AGPAT4: variants seen among roughly 807,000 people sequenced by gnomAD.
The protein encoded by AGPAT4 is 1-acyl-sn-glycerol-3-phosphate acyltransferase delta.
In AGPAT4, 15 loss-of-function variants were observed where a neutral mutation model predicts 48.0. The ratio of observed to expected loss-of-function variants is 0.31; its 90% CI spans 0.21 to 0.48. The LOEUF (loss-of-function observed/expected upper bound fraction) is 0.48, where lower values mean the gene tolerates loss of function less well. Ranked by LOEUF, AGPAT4 falls within the 20% of genes least tolerant of loss-of-function variation. AGPAT4 has a pLI of 0.99. For synonymous variants in AGPAT4, 178 were observed against 198.7 expected (o/e 0.90, Z 0.88); for missense variants, 314 against 482.5 (o/e 0.65, Z 3.27).
At chr6:161,210,035 T>C (rs9355336) in intron 2 of AGPAT4, among the ~76,000 whole-genome samples, 1 of 152,074 alleles carries the variant, frequency 6.6e-6, no homozygotes. Context: ...TTAAAAAAAA[T>C]TTTTTTAAGT....
chr6:161,156,103 G>C (rs1048846345), intron 3 of AGPAT4, among the ~76,000 whole-genome samples: 1 of 152,222 alleles, frequency 6.6e-6, no homozygotes, highest in African/African-American at 2.4e-5. Flanking sequence ...ATCTAGACCC[G>C]TAGATGGTCA....
At chr6:161,227,085 A>G (rs956651564) in intron 2 of AGPAT4, among the ~76,000 whole-genome samples, 6 of 152,228 alleles carry the variant, frequency 3.9e-5, no homozygotes, top group African/African-American at 1.4e-4. Flanking sequence ...ACACACCTGG[A>G]GACAGTTTCC....
At position 161,154,235 on chromosome 6, in the gene AGPAT4, C is replaced by G. The variant is rs1243264225; in HGVS notation, c.424G>C (p.Val142Leu). The G allele has an allele frequency of 5.0e-6, 8 of 1,614,176 alleles. No individual in the cohort carries two copies. Among genetic ancestry groups the G allele is most frequent in the Non-Finnish European group, 5.9e-6 (7 of 1,180,030 alleles). Residue 142 changes from valine to leucine, a missense_variant, in exon 4 of 9, where the codon GTC becomes CTC. Physicochemically the swap from Val to Leu is conservative, Grantham distance 32. Transcript: ENST00000320285. The surrounding 1 kb of genome is among the most constrained non-coding windows in gnomAD (Gnocchi z 7.8). ...IGWMWYFTEM[V>L]FCSRKWEQDR... ...TGCTCCCACTTGCGCGAACAGAAGA[C>G]CATCTCGGTGAAGTACCACATCCAG...
At position 161,139,952 on chromosome 6, in the gene AGPAT4, GC is replaced by G. The variant is rs1779198435; in HGVS notation, c.844-333del. On this transcript the variant is annotated intron_variant, in intron 7 of 8. Coordinates refer to ENST00000320285, the MANE Select transcript of AGPAT4 (RefSeq NM_020133.3). The surrounding 1 kb of genome is among the most constrained non-coding windows in gnomAD (Gnocchi z 9.1). ...CAGGCACCTGCATCCCTGAGCCCAGGCCCCAGTCTGTCTAATGGGGCAGCAG... is the reference window on the plus strand; with the variant it reads ...CAGGCACCTGCATCCCTGAGCCCAGGCCCAGTCTGTCTAATGGGGCAGCAG... Among the ~76,000 whole-genome samples the G allele has an allele frequency of 6.6e-6, 1 of 152,232 alleles. No homozygotes were observed. Among genetic ancestry groups the G allele is most frequent in the Non-Finnish European group, 1.5e-5 (1 of 68,030 alleles).
At position 161,208,962 on chromosome 6, in the gene AGPAT4, G is replaced by T. The variant is rs1163216536; in HGVS notation, c.178+23074C>A. The stretch of plus-strand genomic sequence containing the variant: ...CACACCAGAAAGAGTCCCTAAAACG[G>T]CAATCATGACCTTGTGTTAATTACT... On this transcript the variant is annotated intron_variant, in intron 2 of 8. Transcript: ENST00000320285. The surrounding 1 kb of genome is among the most constrained non-coding windows in gnomAD (Gnocchi z 4.6). Among the ~76,000 whole-genome samples, 1 of 152,134 alleles carries T rather than the reference G, an allele frequency of 6.6e-6. No homozygotes were observed. The highest frequency in any genetic ancestry group is 1.5e-5 in the Non-Finnish European group (1 of 68,028).
rs1782536592 is a variant in AGPAT4 at position 161,242,973 on chromosome 6, G to T, written c.-89-10671C>A. ...AGCTACTCGGGAGACTGAAGCAGGAGAATTGATTGAACCCAGGAGGTGGAG... is the reference window on the plus strand; with the variant it reads ...AGCTACTCGGGAGACTGAAGCAGGATAATTGATTGAACCCAGGAGGTGGAG... On this transcript the variant is annotated intron_variant, in intron 1 of 8. Transcript: ENST00000320285. The surrounding 1 kb of genome is among the most constrained non-coding windows in gnomAD (Gnocchi z 5.0). Among the ~76,000 whole-genome samples, 2 of 152,096 alleles carry T rather than the reference G, an allele frequency of 1.3e-5. No homozygotes were observed. Among genetic ancestry groups the T allele is most frequent in the Non-Finnish European group, 2.9e-5 (2 of 68,032 alleles).
In AGPAT4 at chr6:161,180,146, G is replaced by A. The variant is rs1396814745; in HGVS notation, c.179-13729C>T. On this transcript the variant is annotated intron_variant, in intron 2 of 8. Transcript: ENST00000320285. The surrounding 1 kb of genome is among the most constrained non-coding windows in gnomAD (Gnocchi z 6.4). The stretch of plus-strand genomic sequence containing the variant: ...ATCCCAGGGATGCCTATCCTCCCTG[G>A]AGACCCCAACAATATTTCAAGCCTC... 6.6e-6 allele frequency among the ~76,000 whole-genome samples: 1 copy of A among 152,056 alleles called. No individual in the cohort carries two copies. The highest frequency in any genetic ancestry group is 2.4e-5 in the African/African-American group (1 of 41,390).
rs1278293651 is a variant in AGPAT4 at position 161,243,991 on chromosome 6, A to T, written c.-89-11689T>A. On this transcript the variant is annotated intron_variant, in intron 1 of 8. Transcript: ENST00000320285. This position sits in a 1 kb window ranked among gnomAD's most constrained non-coding sequence, Gnocchi z 4.8. ...TTGGTTTTGAGGCTCTCTTCCTAAT[A>T]ACAAGTTAACTGTCAATTCCCTACA... is the stretch of plus-strand genomic sequence containing the variant. Among the ~76,000 whole-genome samples the T allele has an allele frequency of 6.6e-6, 1 of 152,190 alleles. No homozygotes were observed. Among genetic ancestry groups the T allele is most frequent in the Non-Finnish European group, 1.5e-5 (1 of 68,042 alleles).
rs990793814 is a variant in AGPAT4 at position 161,154,366 on chromosome 6, C to T, written c.349-56G>A. On this transcript the variant is annotated intron_variant, in intron 3 of 8. Coordinates refer to ENST00000320285, the MANE Select transcript of AGPAT4 (RefSeq NM_020133.3). This position sits in a 1 kb window ranked among gnomAD's most constrained non-coding sequence, Gnocchi z 7.8. The stretch of plus-strand genomic sequence containing the variant: ...TGAAGGAGACGTCAGAGCCACCTGC[C>T]GGGGCTGTTGGAGACTGAAGTAGAA... 20 of 1,603,752 alleles carry T rather than the reference C, an allele frequency of 1.2e-5. No individual in the cohort carries two copies. Among genetic ancestry groups the T allele is most frequent in the Admixed American group, 1.2e-4 (7 of 59,124 alleles).
chr6:161,232,494 T>A lies in AGPAT4; in HGVS notation c.-89-192A>T, dbSNP rs1402797731. Among the ~76,000 whole-genome samples, 1 of 152,220 alleles carries A rather than the reference T, an allele frequency of 6.6e-6. No individual in the cohort carries two copies. The highest frequency in any genetic ancestry group is 2.4e-5 in the African/African-American group (1 of 41,454). On this transcript the variant is annotated intron_variant, in intron 1 of 8. Coordinates refer to ENST00000320285, the MANE Select transcript of AGPAT4 (RefSeq NM_020133.3). This position sits in a 1 kb window ranked among gnomAD's most constrained non-coding sequence, Gnocchi z 6.8. ...CATAGTCTAAGCCCTTTAACAATAA[T>A]CCTTCCTTTAATTCTCCCAATATCC...
At chr6:161,188,174 C>A (rs569819344) in intron 2 of AGPAT4, among the ~76,000 whole-genome samples, 1 of 152,230 alleles carries the variant, frequency 6.6e-6, no homozygotes, top group East Asian at 1.9e-4. Context: ...TTTTTACAGG[C>A]AGAAATGTGG....
intron 2 of AGPAT4, among the ~76,000 whole-genome samples, chr6:161,190,452 T>C (rs1018289446): frequency 2.0e-5 from 3 of 152,110 alleles, no homozygotes; most frequent in African/African-American, 7.2e-5. Flanking sequence ...ATTTCTCCCA[T>C]TAAAAAAGGT....
chr6:161,255,826 AAAGC>A lies in AGPAT4; in HGVS notation c.-90+18108_-90+18111del. Among the ~76,000 whole-genome samples, 1 of 152,318 alleles carries A rather than the reference AAAGC, an allele frequency of 6.6e-6. No homozygotes were observed. The highest frequency in any genetic ancestry group is 2.1e-4 in the South Asian group (1 of 4,818). ...TGGTCGCACAACCATGAATATACAA[AAAGC>A]CATTGCACTGCACACTTGCAATGGG... On this transcript the variant is annotated intron_variant, in intron 1 of 8. Transcript: ENST00000320285. This position sits in a 1 kb window ranked among gnomAD's most constrained non-coding sequence, Gnocchi z 4.7.
intron 2 of AGPAT4, among the ~76,000 whole-genome samples, chr6:161,192,534 C>T (rs1036039196): frequency 1.3e-5 from 2 of 152,074 alleles, no homozygotes; most frequent in African/African-American, 4.8e-5. Flanking sequence ...TAATATTGTC[C>T]TTCTAATTTA....
rs1178997112 is a variant in AGPAT4, at chr6:161,134,441, C to G, written c.*2099G>C. On this transcript the variant is annotated 3_prime_UTR_variant, in exon 9 of 9. Coordinates refer to ENST00000320285, the MANE Select transcript of AGPAT4 (RefSeq NM_020133.3). ...TTAGTACGACAAGAAAATTTCTGAGCATTTTTGAGAGTAGCAACATAGAGG... is the reference window on the plus strand; with the variant it reads ...TTAGTACGACAAGAAAATTTCTGAGGATTTTTGAGAGTAGCAACATAGAGG... 2 of 152,154 alleles carry G rather than the reference C, an allele frequency of 1.3e-5. No individual in the cohort carries two copies. Among genetic ancestry groups the G allele is most frequent in the Non-Finnish European group, 2.9e-5 (2 of 68,024 alleles). 9.4% of individuals were successfully genotyped at this position (152,154 alleles called of 1,614,324 possible). A position where few individuals can be genotyped will look rare whatever the true frequency, so the allele number is the denominator to read the frequency against.
chr6:161,168,631 G>A (rs562163906), intron 2 of AGPAT4, among the ~76,000 whole-genome samples: 19 of 152,182 alleles, frequency 1.2e-4, no homozygotes, highest in South Asian at 2.1e-4. Context: ...CAAATGCCGC[G>A]TGATTACCTA....
At position 161,134,202 on chromosome 6, in the gene AGPAT4, A is replaced by AGTT. The variant is rs1778970947; in HGVS notation, c.*2335_*2337dup. The AGTT allele has an allele frequency of 6.6e-6, 1 of 152,122 alleles. No homozygotes were observed. Among genetic ancestry groups the AGTT allele is most frequent in the African/African-American group, 2.4e-5 (1 of 41,412 alleles). The allele number at this position is 152,122 out of a possible 1,614,324, so 9.4% of individuals were successfully genotyped here. On this transcript the variant is annotated 3_prime_UTR_variant, in exon 9 of 9. Coordinates refer to ENST00000320285, the MANE Select transcript of AGPAT4 (RefSeq NM_020133.3). ...GCAATTCAAAACTTGGCGCTCACTT[A>AGTT]GTTATTTCCTAAGAGATTTCTGCCT...
chr6:161,138,158 C>T lies in AGPAT4; in HGVS notation c.1042+1264G>A, dbSNP rs1248360313. 1.3e-5 allele frequency among the ~76,000 whole-genome samples: 2 copies of T among 152,232 alleles called. No homozygotes were observed. The highest frequency in any genetic ancestry group is 1.3e-4 in the Admixed American group (2 of 15,290). On this transcript the variant is annotated intron_variant, in intron 8 of 8. Coordinates refer to ENST00000320285, the MANE Select transcript of AGPAT4 (RefSeq NM_020133.3). This position sits in a 1 kb window ranked among gnomAD's most constrained non-coding sequence, Gnocchi z 4.8. ...CTCAGCATGGCGGGGCATGGGGGTG[C>T]CCCTGGACCTGCCTTAAGGAGATGA...
rs972243982 is a variant in AGPAT4, at chr6:161,246,092, T to G, written c.-89-13790A>C. On this transcript the variant is annotated intron_variant, in intron 1 of 8. Coordinates refer to ENST00000320285, the MANE Select transcript of AGPAT4 (RefSeq NM_020133.3). This position sits in a 1 kb window ranked among gnomAD's most constrained non-coding sequence, Gnocchi z 5.5. The stretch of plus-strand genomic sequence containing the variant: ...CTTTGAGGGCATTACAGACTGGCTA[T>G]TCCTCGAAAAGTTTCATTAGCAGCA... Among the ~76,000 whole-genome samples the G allele has an allele frequency of 6.6e-6, 1 of 152,186 alleles. No individual in the cohort carries two copies. The highest frequency in any genetic ancestry group is 2.4e-5 in the African/African-American group (1 of 41,450).
Sources: gnomAD v4.1 joint callset for allele counts (sites outside exome capture counted in the v4.1 genomes callset) on GRCh38, gnomAD v4.1.1 for gene constraint, Gnocchi (gnomAD v3.1) non-coding constraint, MANE v1.5 for transcripts, NCBI Gene and HGNC (gene_info 2026-07-23, HGNC 2026-07-21) for gene names.